The following MYO1B variants were observed in gnomAD, a reference collection of about 807,000 sequenced individuals.
MYO1B encodes the protein unconventional myosin-Ib.
In MYO1B, 72 loss-of-function variants were observed where a neutral mutation model predicts 159.7. That is an observed-to-expected ratio of 0.45 (90% CI 0.37 to 0.55). MYO1B has a LOEUF of 0.55. MYO1B is among the 20% of genes least tolerant of loss of function. MYO1B has a pLI of 0.00. For synonymous variants in MYO1B, 468 were observed against 473.8 expected, an observed-to-expected ratio of 0.99 and a Z score of 0.16; for missense variants, 1,062 against 1,364.8, an observed-to-expected ratio of 0.78 and a Z score of 3.50.
Position 191,402,651 on chromosome 2 carries a change from G to A in MYO1B, c.2489G>A (p.Arg830His), listed in dbSNP as rs745930325. The change falls in exon 24 of 31, where the codon CGC (arginine) becomes CAC (histidine). Residue 830 changes from arginine to histidine, a missense_variant. Around this residue, in one of 5 missense-constraint regions of MYO1B, gnomAD observed 609 missense variants for 744.4 expected, o/e 0.82. Transcript: ENST00000392318. ...LGSKARRELK[R>H]LKEEARRKHA... ...TTCTAGGCTCGAAGGGAATTGAAAC[G>A]CTTGAAGGAGGAGGCTAGGCGTAAG... 5.6e-6 allele frequency: 9 copies of A among 1,613,558 alleles called. No homozygotes were observed. Among genetic ancestry groups the A allele is most frequent in the South Asian group, 2.2e-5 (2 of 90,984 alleles).
At chr2:191,297,431 A>G (rs1322929756) in intron 3 of MYO1B, among the ~76,000 whole-genome samples, 1 of 152,230 alleles carries the variant, frequency 6.6e-6, no homozygotes, top group Non-Finnish European at 1.5e-5. Flanking sequence ...TGGGCTGGGA[A>G]TAACGTATGC....
intron 23 of MYO1B, among the ~76,000 whole-genome samples, chr2:191,401,327 T>A (rs1459820627): frequency 6.6e-6 from 1 of 152,214 alleles, no homozygotes; most frequent in Non-Finnish European, 1.5e-5. Context: ...TTGATTATTA[T>A]AAGCAAAATA....
chr2:191,309,396 C>G (rs1370903733), intron 3 of MYO1B, among the ~76,000 whole-genome samples: 2 of 152,172 alleles, frequency 1.3e-5, no homozygotes, highest in East Asian at 3.8e-4. Flanking sequence ...TCACTGTGTC[C>G]CTGCTTCAAC....
intron 1 of MYO1B, among the ~76,000 whole-genome samples, chr2:191,262,733 G>A (rs773859031): frequency 5.3e-5 from 8 of 151,624 alleles, no homozygotes; most frequent in African/African-American, 9.7e-5. Flanking sequence ...CTCCTATACC[G>A]GCCGTCCTCT....
intron 2 of MYO1B, among the ~76,000 whole-genome samples, chr2:191,281,766 C>G (rs1388266544): frequency 6.6e-6 from 1 of 152,170 alleles, no homozygotes. Flanking sequence ...ACCAAGGTGT[C>G]TGTTCTCTGA....
chr2:191,413,901 CAGATGTA>C (rs1231851650), intron 27 of MYO1B, 140 bp from the exon 28 acceptor site: 1 of 739,010 alleles, frequency 1.4e-6, no homozygotes, highest in Non-Finnish European at 2.0e-6. Flanking sequence ...ATATTTAGGA[CAGATGTA>C]AGTGTAATAT....
intron 3 of MYO1B, among the ~76,000 whole-genome samples, chr2:191,312,434 A>G (rs960735564): frequency 6.6e-6 from 1 of 152,250 alleles, no homozygotes. Flanking sequence ...TTGGTGGTCC[A>G]AACACATATG....
chr2:191,396,341 A>G (rs1472727424), intron 20 of MYO1B, 88 bp from the exon 21 acceptor site: 11 of 1,379,494 alleles, frequency 8.0e-6, no homozygotes, highest in Non-Finnish European at 1.1e-5. Context: ...AGTCAGTTAG[A>G]CGAAGTGAGC....
intron 1 of MYO1B, among the ~76,000 whole-genome samples, chr2:191,250,026 A>G (rs1686019011): frequency 6.6e-6 from 1 of 152,200 alleles, no homozygotes; most frequent in South Asian, 2.1e-4. Flanking sequence ...ATCAGTTCAT[A>G]TTTTATTAAG....
intron 3 of MYO1B, among the ~76,000 whole-genome samples, chr2:191,305,833 A>G (rs1689619973): frequency 6.6e-6 from 1 of 152,142 alleles, no homozygotes. Flanking sequence ...CTGAGGAGCT[A>G]GGAGATGGGA....
At chr2:191,266,343 TC>T (rs1687140631) in intron 1 of MYO1B, among the ~76,000 whole-genome samples, 1 of 152,214 alleles carries the variant, frequency 6.6e-6, no homozygotes, top group South Asian at 2.1e-4. Context: ...GATATTGTCA[TC>T]CCTGAGTTTT....
chr2:191,315,647 A>G (rs183177946), intron 3 of MYO1B, among the ~76,000 whole-genome samples: 11 of 152,374 alleles, frequency 7.2e-5, no homozygotes, highest in East Asian at 1.9e-4. Flanking sequence ...TTCTTTGCCA[A>G]TTAGATTTCA....
intron 1 of MYO1B, among the ~76,000 whole-genome samples, chr2:191,268,963 CAT>C (rs1164903670): frequency 1.3e-5 from 2 of 152,286 alleles, no homozygotes; most frequent in African/African-American, 2.4e-5. Context: ...GCTGTGGAAT[CAT>C]GTGTTCTCTG....
At chr2:191,286,666 C>G (rs1688390431) in intron 2 of MYO1B, among the ~76,000 whole-genome samples, 1 of 152,172 alleles carries the variant, frequency 6.6e-6, no homozygotes, top group Non-Finnish European at 1.5e-5. Context: ...GGTGCCGTGG[C>G]TAATGCCTAT....
At chr2:191,256,089 C>A (rs1033673031) in intron 1 of MYO1B, among the ~76,000 whole-genome samples, 1 of 152,174 alleles carries the variant, frequency 6.6e-6, no homozygotes, top group African/African-American at 2.4e-5. Flanking sequence ...ACACACCTGC[C>A]TAGAATCTGT....
At chr2:191,422,600 A>G (rs1465519993) in intron 30 of MYO1B, among the ~76,000 whole-genome samples, 1 of 152,202 alleles carries the variant, frequency 6.6e-6, no homozygotes, top group Non-Finnish European at 1.5e-5. Flanking sequence ...TATGTGGTAG[A>G]TCAAACACAT....
Position 191,393,161 on chromosome 2 carries a change from C to T in MYO1B, c.2165C>T (p.Thr722Ile), listed in dbSNP as rs1695861200. 6.2e-7 allele frequency: 1 copy of T among 1,614,042 alleles called. No homozygotes were observed. Among genetic ancestry groups the T allele is most frequent in the Non-Finnish European group, 8.5e-7 (1 of 1,179,990 alleles). Reference sequence around the variant, plus strand: ...ATATATCGGGGGTGGAAATGCCGCACACACTTCCTGCTAATGAAAAAAAGC... The same window carrying T: ...ATATATCGGGGGTGGAAATGCCGCATACACTTCCTGCTAATGAAAAAAAGC... ...QKIYRGWKCR[T>I]HFLLMKKSQI... The change falls in exon 20 of 31, where the codon ACA becomes ATA. Residue 722 changes from threonine (T) to isoleucine (I), a missense_variant. Physicochemically the swap from Thr to Ile is moderately conservative, Grantham distance 89 (BLOSUM62 -1). Coordinates refer to ENST00000392318, the MANE Select transcript of MYO1B (RefSeq NM_001130158.3).
chr2:191,292,131 A>G (rs1055013705), intron 2 of MYO1B, among the ~76,000 whole-genome samples: 3 of 152,248 alleles, frequency 2.0e-5, no homozygotes, highest in African/African-American at 7.2e-5. Flanking sequence ...TCTGAACTGT[A>G]TAAAGTGGAA....
At chr2:191,355,708 C>T (rs1049779882) in intron 7 of MYO1B, among the ~76,000 whole-genome samples, 3 of 152,144 alleles carry the variant, frequency 2.0e-5, no homozygotes, top group Admixed American at 6.5e-5. Flanking sequence ...TGTGCACGGC[C>T]GTTTCCTTCT....
Sources: gnomAD v4.1 joint callset for allele counts (sites outside exome capture counted in the v4.1 genomes callset) on GRCh38, gnomAD v4.1.1 for gene constraint, gnomAD v4.1.1 regional missense constraint, MANE v1.5 for transcripts, NCBI Gene and HGNC (gene_info 2026-07-23, HGNC 2026-07-21) for gene names.